Variants in DLC1 observed in about 807,000 individuals in gnomAD.
DLC1 encodes DLC1 Rho GTPase activating protein.
DLC1 carries 54 observed loss-of-function variants against 140.3 expected under a neutral mutation model. The ratio of observed to expected loss-of-function variants is 0.38; its 90% CI spans 0.31 to 0.48. The LOEUF (loss-of-function observed/expected upper bound fraction) is 0.48. Ranked by LOEUF, DLC1 falls within the 20% of genes least tolerant of loss-of-function variation. The pLI is 0.96. For synonymous variants in DLC1, 986 were observed against 728.1 expected (o/e 1.35, Z -5.70); for missense variants, 2,536 against 1,907.0 (o/e 1.33, Z -6.14).
At chr8:13,231,911 G>A (rs1829063300) in intron 5 of DLC1, among the ~76,000 whole-genome samples, 1 of 152,086 alleles carries the variant, frequency 6.6e-6, no homozygotes, top group South Asian at 2.1e-4. Flanking sequence ...AGGCCCCTGT[G>A]TCCAGCTGTT....
intron 5 of DLC1, among the ~76,000 whole-genome samples, chr8:13,241,822 G>A (rs1829556510): frequency 6.6e-6 from 1 of 152,048 alleles, no homozygotes; most frequent in Admixed American, 6.6e-5. Flanking sequence ...TAGCCAGTTT[G>A]GTATATCCAG....
At chr8:13,478,916 T>C (rs948454155) in intron 2 of DLC1, among the ~76,000 whole-genome samples, 4 of 152,246 alleles carry the variant, frequency 2.6e-5, no homozygotes, top group African/African-American at 9.6e-5. Flanking sequence ...CAAGCTGGCC[T>C]GTTGGCCTCC....
chr8:13,544,048 A>G (rs1442818451), intron 1 of DLC1, among the ~76,000 whole-genome samples: 1 of 152,166 alleles, frequency 6.6e-6, no homozygotes. Flanking sequence ...GATTAAAAAT[A>G]AGCTTAAAAT....
At chr8:13,546,142 A>C (rs1241225937) in intron 1 of DLC1, among the ~76,000 whole-genome samples, 3 of 152,110 alleles carry the variant, frequency 2.0e-5, no homozygotes, top group African/African-American at 7.2e-5. Context: ...TATAGGGCTC[A>C]TGGTCAGTTT....
intron 2 of DLC1, among the ~76,000 whole-genome samples, chr8:13,421,808 A>G (rs918573563): frequency 3.9e-5 from 6 of 152,178 alleles, no homozygotes; most frequent in Non-Finnish European, 7.4e-5. Flanking sequence ...TTCTTTCCCA[A>G]TATGGTAATA....
intron 4 of DLC1, among the ~76,000 whole-genome samples, chr8:13,346,286 C>T (rs1834335173): frequency 6.6e-6 from 1 of 152,160 alleles, no homozygotes; most frequent in African/African-American, 2.4e-5. Context: ...TTTCTCCATT[C>T]AGCTAAGGTT....
At chr8:13,185,459 C>T (rs912537461) in intron 5 of DLC1, among the ~76,000 whole-genome samples, 13 of 151,928 alleles carry the variant, frequency 8.6e-5, no homozygotes, top group African/African-American at 3.1e-4. Flanking sequence ...AGGCGCCCGC[C>T]ACCACGCCCG....
chr8:13,271,002 C>A (rs534885269), intron 5 of DLC1, among the ~76,000 whole-genome samples: 1 of 152,294 alleles, frequency 6.6e-6, no homozygotes, highest in South Asian at 2.1e-4. Flanking sequence ...GTGCAAGAAC[C>A]AGGACTCAGC....
chr8:13,453,392 ATATATATAT>A (rs1799164062), intron 2 of DLC1, among the ~76,000 whole-genome samples: 1 of 59,236 alleles, frequency 1.7e-5, no homozygotes, highest in African/African-American at 8.0e-5. Context: ...CCCAGGATAT[ATATATATAT>A]GTGTATATAT....
chr8:13,199,421 C>G (rs966841390), intron 5 of DLC1, among the ~76,000 whole-genome samples: 2 of 151,936 alleles, frequency 1.3e-5, no homozygotes, highest in Non-Finnish European at 2.9e-5. Context: ...AGGCCTCACG[C>G]AATCCTCCCG....
chr8:13,128,292 C>T (rs984580724), intron 5 of DLC1, among the ~76,000 whole-genome samples: 4 of 152,126 alleles, frequency 2.6e-5, no homozygotes, highest in East Asian at 1.9e-4. Context: ...GTACAGTCAA[C>T]GCGGGCCAGA....
intron 5 of DLC1, among the ~76,000 whole-genome samples, chr8:13,221,726 G>A (rs12540991): frequency 0.45 from 59,048 of 131,760 alleles, 14,171 homozygotes; most frequent in East Asian, 0.82. Flanking sequence ...GTGTGTGTGT[G>A]TATATATATA....
intron 4 of DLC1, among the ~76,000 whole-genome samples, chr8:13,321,222 A>C (rs56409940): frequency 0.09 from 13,665 of 152,174 alleles, 665 homozygotes; most frequent in African/African-American, 0.1. Flanking sequence ...CTATAGAAAA[A>C]CTGGAGAGTA....
intron 2 of DLC1, among the ~76,000 whole-genome samples, chr8:13,429,882 A>G (rs1029175490): frequency 1.1e-4 from 16 of 152,374 alleles, no homozygotes; most frequent in South Asian, 8.3e-4. Context: ...CAGAAAATTC[A>G]AAGGTTAAAT....
chr8:13,506,581 G>GTGTGTATATATATATATATA (rs1246764417), intron 1 of DLC1, among the ~76,000 whole-genome samples: 8 of 131,140 alleles, frequency 6.1e-5, no homozygotes, highest in African/African-American at 2.6e-4. Flanking sequence ...GTGTGTGTGT[G>GTGTGTATATATATATATATA]TATATATATA....
At chr8:13,385,977 T>A (rs1290740102) in intron 4 of DLC1, among the ~76,000 whole-genome samples, 2 of 152,230 alleles carry the variant, frequency 1.3e-5, no homozygotes, top group African/African-American at 4.8e-5. Flanking sequence ...CAGTTATTAT[T>A]ACTCCTCAGT....
At chr8:13,106,214 G>A (rs1819550345) in intron 7 of DLC1, among the ~76,000 whole-genome samples, 1 of 152,082 alleles carries the variant, frequency 6.6e-6, no homozygotes, top group Non-Finnish European at 1.5e-5. Flanking sequence ...GTAAAAACAA[G>A]CCAAAAACAA....
intron 2 of DLC1, among the ~76,000 whole-genome samples, chr8:13,470,287 G>T (rs1230429480): frequency 6.6e-6 from 1 of 152,108 alleles, no homozygotes; most frequent in East Asian, 1.9e-4. Context: ...AACTATAACA[G>T]ATTGGGAGAA....
At chr8:13,415,424 G>T (rs1258575881) in intron 2 of DLC1, among the ~76,000 whole-genome samples, 1 of 144,654 alleles carries the variant, frequency 6.9e-6, no homozygotes, top group African/African-American at 2.6e-5. Flanking sequence ...TTTTGAGACA[G>T]AATCTTGCTC....
Sources: allele counts gnomAD v4.1 joint callset (sites outside exome capture counted in the v4.1 genomes callset), GRCh38; gene constraint gnomAD v4.1.1; transcripts MANE v1.5; gene names NCBI Gene and HGNC (gene_info 2026-07-23, HGNC 2026-07-21).